Variants in GSDMB observed in about 807,000 individuals in gnomAD.
GSDMB encodes gasdermin-B.
GSDMB carries 32 observed loss-of-function variants against 42.9 expected under a neutral mutation model. The observed-to-expected ratio is 0.75, with a 90% CI of 0.56 to 1.00. The LOEUF is 1.00. GSDMB is among the 50% of genes least tolerant of loss of function. The pLI, the probability that GSDMB is intolerant of heterozygous loss-of-function variation, is 0.00. For synonymous variants in GSDMB, 175 were observed against 193.7 expected (o/e 0.90, Z 0.80); for missense variants, 468 against 498.5 (o/e 0.94, Z 0.58).
At chr17:39,914,771 A>AAG (rs886583547) in intron 2 of GSDMB, among the ~76,000 whole-genome samples, 10 of 151,668 alleles carry the variant, frequency 6.6e-5, no homozygotes, top group Admixed American at 1.3e-4. Flanking sequence ...CAAAAAAAAA[A>AAG]AAAAAAAAGT....
chr17:39,908,295 C>G, intron 5 of GSDMB, 81 bp from the exon 6 acceptor site: 2 of 682,724 alleles, frequency 2.9e-6, no homozygotes, highest in East Asian at 2.8e-5. Flanking sequence ...TTTCTCCAGT[C>G]CCTCTCAATC....
At chr17:39,905,792 A>T in intron 9 of GSDMB, 55 bp downstream of exon 9, 3 of 1,586,026 alleles carry the variant, frequency 1.9e-6, no homozygotes, top group Non-Finnish European at 2.6e-6. Flanking sequence ...GACTCCCCAC[A>T]GGCCTCTCTG....
Position 39,917,155 on chromosome 17 carries a change from T to C in GSDMB, c.162A>G (p.Thr54=), listed in dbSNP as rs1334935303. The C allele has an allele frequency of 1.2e-6, 2 of 1,614,024 alleles. No homozygotes were observed. The highest frequency in any genetic ancestry group is 1.3e-5 in the African/African-American group (1 of 74,902). The part of the protein sequence containing the change: ...RTFFGCRHYT[T]GLTLMDILDT... ...CCAGAATGTCCATCAGGGTGAGGCCTGTTGTGTAGTGCCGGCATCCAAAGA... is the reference window on the plus strand; with the variant it reads ...CCAGAATGTCCATCAGGGTGAGGCCCGTTGTGTAGTGCCGGCATCCAAAGA... The change falls in exon 2 of 11, where the codon ACA becomes ACG. Residue 54 remains threonine (T), a synonymous_variant. Coordinates refer to ENST00000418519, the MANE Select transcript of GSDMB (RefSeq NM_001165958.2).
At chr17:39,908,097 C>T in intron 6 of GSDMB, 79 bp downstream of exon 6, 1 of 846,402 alleles carries the variant, frequency 1.2e-6, no homozygotes. Flanking sequence ...CGGACCTAAC[C>T]ACTCTGTAAT....
chr17:39,912,251 C>T, intron 3 of GSDMB, 75 bp downstream of exon 3: 1 of 1,013,232 alleles, frequency 9.9e-7, no homozygotes, highest in Non-Finnish European at 1.5e-6. Flanking sequence ...AAGAGCCGGT[C>T]TGCCACCCTT....
Position 39,904,888 on chromosome 17 carries a change from C to G in GSDMB, c.1175G>C (p.Arg392Pro). Residue 392 changes from arginine to proline, a missense_variant, in exon 11 of 11, where the codon CGA becomes CCA. Physicochemically the swap from Arg to Pro is moderately radical, Grantham distance 103. Coordinates refer to ENST00000418519, the MANE Select transcript of GSDMB (RefSeq NM_001165958.2). ...PPDMDYDPEA[R>P]ILCALYVVVS... ...AACAACATACAGCGCACAGAGAATT[C>G]GTGCCTCAGGGTCATAGTCCATGTC... The G allele has an allele frequency of 1.9e-6, 3 of 1,612,578 alleles. No homozygotes were observed. The highest frequency in any genetic ancestry group is 2.5e-6 in the Non-Finnish European group (3 of 1,178,602).
rs141018543 is a variant in GSDMB, at chr17:39,913,014, T to C, written c.236-517A>G. ...CACAGCTACTTGAGAGGCTGAGGCATGAGAATCGCTTGAACCCAGGAGGCG... is the reference window on the plus strand; with the variant it reads ...CACAGCTACTTGAGAGGCTGAGGCACGAGAATCGCTTGAACCCAGGAGGCG... On this transcript the variant is annotated intron_variant, in intron 2 of 10. Transcript: ENST00000418519. Among the ~76,000 whole-genome samples the C allele has an allele frequency of 1.1e-3, 171 of 151,920 alleles. 2 individuals carry two copies. In the Middle Eastern group the frequency reaches 0.021, roughly 18 times the overall value.
intron 3 of GSDMB, among the ~76,000 whole-genome samples, chr17:39,911,940 A>AAAAAC (rs1470893055): frequency 6.6e-6 from 1 of 152,174 alleles, no homozygotes; most frequent in Non-Finnish European, 1.5e-5. Flanking sequence ...CGTCTCAAAA[A>AAAAAC]AAAACAAAAC....
At chr17:39,906,694 C>CG (rs1185725697) in intron 7 of GSDMB, 4 of 1,198,266 alleles carry the variant, frequency 3.3e-6, no homozygotes, top group Non-Finnish European at 2.2e-6. Context: ...AGGCCACACC[C>CG]CCACAATTAA....
chr17:39,906,234 C>T lies in GSDMB; in HGVS notation c.765G>A (p.Lys255=), dbSNP rs1322024656. ...SLGSEDSRNM[K]EKLEDMESVL... ...CACTCTCCATGTCCTCCAACTTCTC[C>T]TTCATGTTTCTGGAATCCTCCGAAC... Residue 255 remains lysine, a synonymous_variant, in exon 8 of 11, where the codon AAG becomes AAA. Coordinates refer to ENST00000418519, the MANE Select transcript of GSDMB (RefSeq NM_001165958.2). The T allele has an allele frequency of 6.2e-7, 1 of 1,614,178 alleles. No homozygotes were observed. The highest frequency in any genetic ancestry group is 8.5e-7 in the Non-Finnish European group (1 of 1,180,028).
chr17:39,914,234 C>A (rs1323095751), intron 2 of GSDMB, among the ~76,000 whole-genome samples: 2 of 152,112 alleles, frequency 1.3e-5, no homozygotes, highest in African/African-American at 4.8e-5. Context: ...TGGTCTTCCT[C>A]CCCGAGACCC....
chr17:39,912,240 A>G, intron 3 of GSDMB, 86 bp downstream of exon 3: 1 of 913,686 alleles, frequency 1.1e-6, no homozygotes, highest in Non-Finnish European at 1.7e-6. Context: ...TAAATTTTAA[A>G]AAGAGCCGGT....
chr17:39,906,398 G>A (rs765361636), intron 7 of GSDMB, 127 bp from the exon 8 acceptor site: 17 of 1,014,432 alleles, frequency 1.7e-5, no homozygotes, highest in Non-Finnish European at 2.3e-5. Context: ...CAGTCTTTCC[G>A]TGTTAAAATT....
intron 3 of GSDMB, among the ~76,000 whole-genome samples, chr17:39,910,418 C>T (rs1196579882): frequency 6.6e-6 from 1 of 152,188 alleles, no homozygotes; most frequent in Non-Finnish European, 1.5e-5. Flanking sequence ...TTCCACTTAA[C>T]CTTCACAATC....
In GSDMB at chr17:39,906,641, T is replaced by A. The variant is rs562523081; in HGVS notation, c.727+320A>T. The A allele has an allele frequency of 3.4e-5, 43 of 1,274,788 alleles. 1 individual carries two copies. The African/African-American group carries it at 5.4e-4, about 16-fold the overall frequency. 79.0% of individuals were successfully genotyped at this position (1,274,788 alleles called of 1,614,324 possible). A position where few individuals can be genotyped will look rare whatever the true frequency, so the allele number is the denominator to read the frequency against. On this transcript the variant is annotated intron_variant, in intron 7 of 10. Transcript: ENST00000418519. ...TAAAGCAGTGGTTCTCAACCTTGAC[T>A]ACATGAGAATCACCTGAGGAGTTAT...
intron 2 of GSDMB, among the ~76,000 whole-genome samples, chr17:39,915,632 T>G (rs955134141): frequency 6.6e-6 from 1 of 151,766 alleles, no homozygotes; most frequent in Admixed American, 6.6e-5. Flanking sequence ...GAGCTGACTT[T>G]TAGCAAATTG....
At chr17:39,908,838 C>T (rs1038035868) in intron 5 of GSDMB, 120 bp downstream of exon 5, 1 of 722,794 alleles carries the variant, frequency 1.4e-6, no homozygotes, top group East Asian at 2.7e-5. Flanking sequence ...TGGACCCCTC[C>T]CCAACCTCCA....
rs147293765 is a variant in GSDMB at position 39,909,892 on chromosome 17, C to G, written c.440G>C (p.Arg147Pro). The change falls in exon 4 of 11, where the codon CGA (arginine) becomes CCA (proline). Residue 147 changes from arginine (R) to proline (P), a missense_variant. Arg to Pro is a moderately radical substitution (Grantham distance 103, BLOSUM62 -2). Coordinates refer to ENST00000418519, the MANE Select transcript of GSDMB (RefSeq NM_001165958.2). ...CAGGTTTTCTCTCGTATTAATTGAT[C>G]GGAATGAAAAGGGTAGTTCCCTCTT... The part of the protein sequence containing the change: ...KLKRELPFSF[R>P]SINTRENLYL... 5.0e-6 allele frequency: 8 copies of G among 1,613,564 alleles called. No individual in the cohort carries two copies. The African/African-American group carries it at 6.7e-5, about 13-fold the overall frequency.
chr17:39,914,672 A>AG (rs1439057083), intron 2 of GSDMB, among the ~76,000 whole-genome samples: 3 of 150,196 alleles, frequency 2.0e-5, no homozygotes, highest in Non-Finnish European at 4.4e-5. Context: ...CTGAGGCAGG[A>AG]GAACCACTTG....
Sources: allele counts gnomAD v4.1 joint callset (sites outside exome capture counted in the v4.1 genomes callset), GRCh38; gene constraint gnomAD v4.1.1; transcripts MANE v1.5; gene names NCBI Gene and HGNC (gene_info 2026-07-23, HGNC 2026-07-21).